HMCN1: variants seen among roughly 807,000 people sequenced by gnomAD.
HMCN1 encodes the protein hemicentin-1.
Under a neutral mutation model 625.9 loss-of-function variants are expected in HMCN1, and 321 were observed. The ratio of observed to expected loss-of-function variants is 0.51; its 90% CI spans 0.47 to 0.56. The LOEUF is 0.56. HMCN1 is among the 20% of genes least tolerant of loss of function. HMCN1 has a pLI of 0.00. For missense variants in HMCN1, 6,588 were observed against 6,887.3 expected, an observed-to-expected ratio of 0.96 and a Z score of 1.54; for synonymous variants, 2,425 against 2,417.6, an observed-to-expected ratio of 1.00 and a Z score of -0.09.
Position 186,008,245 on chromosome 1 carries a change from A to G in HMCN1, c.4630+963A>G, listed in dbSNP as rs145390825. Among the ~76,000 whole-genome samples the G allele has an allele frequency of 2.2e-3, 338 of 152,286 alleles. 1 individual carries two copies. The highest frequency in any genetic ancestry group is 7.8e-3 in the African/African-American group (323 of 41,578). ...TATTTGCTAAATGAATGAATGGTCTAGTGTTACACTGTCTAATATGGTAGT... is the reference window on the plus strand; with the variant it reads ...TATTTGCTAAATGAATGAATGGTCTGGTGTTACACTGTCTAATATGGTAGT... On this transcript the variant is annotated intron_variant, in intron 30 of 106. Coordinates refer to ENST00000271588, the MANE Select transcript of HMCN1 (RefSeq NM_031935.3).
intron 106 of HMCN1, 149 bp from the exon 107 acceptor site, chr1:186,189,362 AC>A: frequency 1.3e-6 from 1 of 748,156 alleles, no homozygotes; most frequent in South Asian, 1.6e-5. Context: ...TGAGTTAGTG[AC>A]ACAGAAGACG....
chr1:185,986,876 TAAAA>T (rs986238765), intron 19 of HMCN1, among the ~76,000 whole-genome samples: 1 of 147,382 alleles, frequency 6.8e-6, no homozygotes, highest in South Asian at 2.2e-4. Flanking sequence ...TTAAATAAAA[TAAAA>T]AAACTCTTAA....
chr1:186,062,445 C>A, intron 47 of HMCN1, 69 bp from the exon 48 acceptor site: 1 of 909,846 alleles, frequency 1.1e-6, no homozygotes, highest in Non-Finnish European at 1.8e-6. Context: ...TAAAACCATA[C>A]ATAAATATCT....
chr1:186,110,810 C>T lies in HMCN1; in HGVS notation c.10990-2002C>T, dbSNP rs74136029. Among the ~76,000 whole-genome samples, 1,448 of 151,316 alleles carry T rather than the reference C, an allele frequency of 9.6e-3. 24 individuals are homozygous for T. Among genetic ancestry groups the T allele is most frequent in the African/African-American group, 0.032 (1,306 of 41,162 alleles). ...GAGATGGGGAAACAGAAAAGAAGGT[C>T]GTATTCATACCCAAGGTGGGGGAAG... On this transcript the variant is annotated intron_variant, in intron 71 of 106. Transcript: ENST00000271588.
intron 1 of HMCN1, among the ~76,000 whole-genome samples, chr1:185,744,113 G>A (rs1338557502): frequency 1.3e-5 from 2 of 149,222 alleles, no homozygotes; most frequent in Non-Finnish European, 3.0e-5. Context: ...CTCAGCCTCC[G>A]GAGTAGCTGG....
intron 96 of HMCN1, among the ~76,000 whole-genome samples, chr1:186,153,193 A>G (rs188865757): frequency 3.3e-5 from 5 of 152,350 alleles, no homozygotes; most frequent in Admixed American, 3.3e-4. Context: ...TTCAGAAATT[A>G]AAGGATAACA....
intron 1 of HMCN1, among the ~76,000 whole-genome samples, chr1:185,838,372 T>G (rs1265397016): frequency 2.6e-5 from 4 of 152,100 alleles, no homozygotes; most frequent in Non-Finnish European, 5.9e-5. Context: ...TCTACTAGTG[T>G]GTTGTGGTGC....
chr1:185,767,618 G>T (rs767165819), intron 1 of HMCN1, among the ~76,000 whole-genome samples: 8 of 152,138 alleles, frequency 5.3e-5, no homozygotes, highest in Non-Finnish European at 8.8e-5. Flanking sequence ...TTAGTGTGTG[G>T]AAAGGAGAGA....
intron 46 of HMCN1, among the ~76,000 whole-genome samples, chr1:186,061,065 G>A (rs2102306871): frequency 6.6e-6 from 1 of 152,090 alleles, no homozygotes; most frequent in East Asian, 1.9e-4. Flanking sequence ...CACCTGCTCT[G>A]CTTTTGATAC....
At chr1:185,744,065 T>G (rs1416062648) in intron 1 of HMCN1, among the ~76,000 whole-genome samples, 1 of 142,238 alleles carries the variant, frequency 7.0e-6, no homozygotes, top group African/African-American at 2.6e-5. Context: ...CTCGGCTCAC[T>G]GCAAGCTCCG....
At chr1:185,974,816 A>T (rs1161116919) in intron 15 of HMCN1, among the ~76,000 whole-genome samples, 3 of 152,130 alleles carry the variant, frequency 2.0e-5, no homozygotes, top group Admixed American at 2.0e-4. Context: ...TGTTTTGTGC[A>T]TAATGCTGTT....
intron 1 of HMCN1, among the ~76,000 whole-genome samples, chr1:185,758,962 A>G (rs1666201712): frequency 6.6e-6 from 1 of 152,196 alleles, no homozygotes; most frequent in African/African-American, 2.4e-5. Context: ...ATGCCTGCTA[A>G]TATCAGTCTA....
intron 51 of HMCN1, 133 bp downstream of exon 51, chr1:186,069,909 A>G: frequency 1.4e-6 from 1 of 701,854 alleles, no homozygotes; most frequent in Non-Finnish European, 2.6e-6. Context: ...TACTTTATTA[A>G]GGATGGAAGT....
At chr1:185,901,695 A>T (rs539340476) in intron 4 of HMCN1, among the ~76,000 whole-genome samples, 2 of 151,780 alleles carry the variant, frequency 1.3e-5, no homozygotes, top group African/African-American at 4.8e-5. Flanking sequence ...GGGTTAGTCA[A>T]TGATTCTTCC....
intron 1 of HMCN1, among the ~76,000 whole-genome samples, chr1:185,798,243 A>G (rs546000629): frequency 1.3e-5 from 2 of 152,214 alleles, no homozygotes; most frequent in South Asian, 2.1e-4. Context: ...AATCTCTTCT[A>G]CCTCATAAAG....
intron 4 of HMCN1, among the ~76,000 whole-genome samples, chr1:185,888,651 G>C (rs1266211333): frequency 2.1e-4 from 31 of 147,172 alleles, no homozygotes; most frequent in Admixed American, 7.9e-4. Context: ...GGGCTCTGTT[G>C]TGTTCCATTG....
intron 1 of HMCN1, among the ~76,000 whole-genome samples, chr1:185,771,771 G>C (rs1656257619): frequency 6.6e-6 from 1 of 152,098 alleles, no homozygotes; most frequent in Non-Finnish European, 1.5e-5. Flanking sequence ...TTCCAAGCAT[G>C]GTGGCAGAAT....
chr1:186,162,170 A>C (rs1651539077), intron 97 of HMCN1, among the ~76,000 whole-genome samples: 1 of 151,636 alleles, frequency 6.6e-6, no homozygotes. Context: ...CATTCATTTC[A>C]TCTTCTATTG....
intron 86 of HMCN1, 97 bp from the exon 87 acceptor site, chr1:186,136,571 A>G (rs2102532714): frequency 9.0e-7 from 1 of 1,108,012 alleles, no homozygotes; most frequent in Admixed American, 1.7e-5. Context: ...TAAACAAATC[A>G]ATCACTTTTT....
Sources: allele counts gnomAD v4.1 joint callset (sites outside exome capture counted in the v4.1 genomes callset), GRCh38; gene constraint gnomAD v4.1.1; transcripts MANE v1.5; gene names NCBI Gene and HGNC (gene_info 2026-07-23, HGNC 2026-07-21).